Variants in NLRP5 observed in about 807,000 individuals in gnomAD.
NLRP5 encodes the protein NLR family pyrin domain containing 5, also known as NACHT, LRR and PYD domains-containing protein 5.
In NLRP5, 93 loss-of-function variants were observed where a neutral mutation model predicts 113.1. The observed-to-expected ratio is 0.82, with a 90% CI of 0.70 to 0.98. The LOEUF (loss-of-function observed/expected upper bound fraction) is 0.98, where lower values mean the gene tolerates loss of function less well. Among genes scored for constraint, NLRP5 ranks in the 50% least tolerant of loss-of-function variants. NLRP5 has a pLI of 0.00. For synonymous variants in NLRP5, 751 were observed against 600.7 expected, an observed-to-expected ratio of 1.25 and a Z score of -3.66; for missense variants, 1,808 against 1,514.3, an observed-to-expected ratio of 1.19 and a Z score of -3.22.
rs771172798 is a variant in NLRP5 at position 56,027,367 on chromosome 19, C to T, written c.1134C>T (p.Cys378=). Reference sequence around the variant, plus strand: ...TCCTCAACAATGACACAAAGCTCTGCAAAGACTGGGCTGAGAAGCAGCCTC... The same window carrying T: ...TCCTCAACAATGACACAAAGCTCTGTAAAGACTGGGCTGAGAAGCAGCCTC... The change falls in exon 7 of 15, where the codon TGC becomes TGT. Residue 378 remains cysteine, a synonymous_variant. Transcript: ENST00000390649. The T allele has an allele frequency of 1.7e-5, 28 of 1,613,472 alleles. No homozygotes were observed. The highest frequency in any genetic ancestry group is 2.4e-5 in the Non-Finnish European group (28 of 1,179,776).
rs965388467 is a variant in NLRP5, at chr19:56,051,366, T to C, written c.3128+778T>C. Among the ~76,000 whole-genome samples, 6 of 152,240 alleles carry C rather than the reference T, an allele frequency of 3.9e-5. No homozygotes were observed. In the East Asian group the frequency reaches 9.6e-4, roughly 24 times the overall value. On this transcript the variant is annotated intron_variant, in intron 12 of 14. Transcript: ENST00000390649. Reference sequence around the variant, plus strand: ...TGCCACCAGTCCCGGCTAATTTTTGTACTTTTAGTAGAGACGGAGTTTCAC... The same window carrying C: ...TGCCACCAGTCCCGGCTAATTTTTGCACTTTTAGTAGAGACGGAGTTTCAC...
At chr19:56,007,479 T>C (rs1681354301) in intron 2 of NLRP5, among the ~76,000 whole-genome samples, 1 of 150,314 alleles carries the variant, frequency 6.7e-6, no homozygotes, top group Non-Finnish European at 1.5e-5. Flanking sequence ...GTTGGCGGAG[T>C]TGCCTGAGCA....
chr19:56,010,755 A>AAAAAAAAAAAAAAAAAAAAAAAT (rs78321861), intron 3 of NLRP5, among the ~76,000 whole-genome samples: 1 of 126,008 alleles, frequency 7.9e-6, no homozygotes, highest in East Asian at 2.1e-4. Context: ...AAAAAAAAAA[A>AAAAAAAAAAAAAAAAAAAAAAAT]GTCCCTTGAA....
the NLRP5 span, chr19:55,988,436 GTGTGTGTGTA>G: frequency 1.5e-4 from 14 of 93,430 alleles, no homozygotes; most frequent in African/African-American, 5.8e-4. Context: ...ATATATATAT[GTGTGTGTGTA>G]TATATATATA....
In NLRP5 at chr19:56,033,670, A is replaced by G. The variant is rs374178303; in HGVS notation, c.2576A>G (p.Glu859Gly). The stretch of plus-strand genomic sequence containing the variant: ...GAAGAGGATGTAAGGATGGCGTGTG[A>G]AGCCTTAAAACACCCAAAATGTTTG... Residue 859 changes from glutamate (E) to glycine (G), a missense_variant, in exon 9 of 15, where the codon GAA becomes GGA. Physicochemically the swap from Glu to Gly is moderately conservative, Grantham distance 98 (BLOSUM62 -2). Transcript: ENST00000390649. 52 of 1,613,764 alleles carry G rather than the reference A, an allele frequency of 3.2e-5. No homozygotes were observed. Among genetic ancestry groups the G allele is most frequent in the East Asian group, 1.8e-4 (8 of 44,880 alleles).
At chr19:56,039,471 TCTGAGCTCTCGATCACACC>T (rs1314017358) in intron 10 of NLRP5, among the ~76,000 whole-genome samples, 2 of 152,098 alleles carry the variant, frequency 1.3e-5, no homozygotes, top group East Asian at 1.9e-4. Context: ...GAGGGTGACA[TCTGAGCTCTCGATCACACC>T]CTGAGCTCTC....
chr19:56,002,066 G>A (rs985762088), intron 1 of NLRP5, among the ~76,000 whole-genome samples: 1 of 152,184 alleles, frequency 6.6e-6, no homozygotes, highest in Non-Finnish European at 1.5e-5. Context: ...CAGGCTTCTA[G>A]ACAACTCGGG....
At chr19:56,008,678 G>T in intron 2 of NLRP5, 110 bp from the exon 3 acceptor site, 1 of 900,146 alleles carries the variant, frequency 1.1e-6, no homozygotes. Flanking sequence ...GAGATCCTGA[G>T]GTTTGTCTTG....
intron 10 of NLRP5, among the ~76,000 whole-genome samples, chr19:56,040,701 G>A (rs1046166926): frequency 1.3e-5 from 2 of 152,206 alleles, no homozygotes; most frequent in Admixed American, 6.5e-5. Context: ...CATTGTGACT[G>A]GCAGATCTAA....
chr19:56,051,941 A>G (rs886379067), intron 12 of NLRP5, among the ~76,000 whole-genome samples: 4 of 152,334 alleles, frequency 2.6e-5, no homozygotes, highest in Admixed American at 6.5e-5. Context: ...CAAACTTCTG[A>G]GTGCCCCCAA....
intron 4 of NLRP5, among the ~76,000 whole-genome samples, chr19:56,018,914 C>G (rs1447702577): frequency 6.6e-6 from 1 of 152,178 alleles, no homozygotes; most frequent in Non-Finnish European, 1.5e-5. Flanking sequence ...CTGCTTCAGC[C>G]TCCTGAGTAG....
At chr19:56,046,226 T>C (rs1303470154) in intron 11 of NLRP5, among the ~76,000 whole-genome samples, 1 of 152,248 alleles carries the variant, frequency 6.6e-6, no homozygotes, top group African/African-American at 2.4e-5. Flanking sequence ...TTTTTATTTT[T>C]AATTCAGTTT....
intron 2 of NLRP5, among the ~76,000 whole-genome samples, chr19:56,004,938 C>CA (rs1478782251): frequency 6.6e-6 from 1 of 151,298 alleles, no homozygotes; most frequent in Non-Finnish European, 1.5e-5. Flanking sequence ...ACTAGAAATA[C>CA]AAAAAATTAG....
intron 2 of NLRP5, among the ~76,000 whole-genome samples, chr19:56,008,161 C>G (rs1982021644): frequency 1.3e-5 from 2 of 151,612 alleles, no homozygotes; most frequent in Admixed American, 1.3e-4. Context: ...ATCTCCTGAC[C>G]TCGTGATCCA....
intron 6 of NLRP5, among the ~76,000 whole-genome samples, chr19:56,023,185 G>A (rs935318947): frequency 2.0e-5 from 3 of 152,172 alleles, no homozygotes; most frequent in African/African-American, 7.2e-5. Flanking sequence ...CATAGAAAAA[G>A]AGGTGTTTGA....
upstream of NLRP5, among the ~76,000 whole-genome samples, chr19:55,999,376 G>T (rs556017033): frequency 6.6e-6 from 1 of 151,774 alleles, no homozygotes; most frequent in African/African-American, 2.4e-5. Flanking sequence ...CACCATGCCT[G>T]GCTAATTTTT....
At chr19:56,039,701 C>T (rs1273081388) in intron 10 of NLRP5, among the ~76,000 whole-genome samples, 2 of 152,108 alleles carry the variant, frequency 1.3e-5, no homozygotes, top group African/African-American at 4.8e-5. Flanking sequence ...CACCTGAGGT[C>T]GGCAGTTCAA....
chr19:56,005,812 TATC>T (rs1981888032), intron 2 of NLRP5, among the ~76,000 whole-genome samples: 1 of 152,178 alleles, frequency 6.6e-6, no homozygotes, highest in Non-Finnish European at 1.5e-5. Context: ...AGCTAGGGTT[TATC>T]AAGTCAGCAC....
chr19:55,990,249 C>T, the NLRP5 span, among the ~76,000 whole-genome samples: 11 of 151,670 alleles, frequency 7.3e-5, no homozygotes, highest in Admixed American at 3.9e-4. Context: ...CCACGATGCC[C>T]GGCTAATTTG....
Sources: allele counts gnomAD v4.1 joint callset (sites outside exome capture counted in the v4.1 genomes callset), GRCh38; gene constraint gnomAD v4.1.1; transcripts MANE v1.5; gene names NCBI Gene and HGNC (gene_info 2026-07-23, HGNC 2026-07-21).